MAP7D2: variants seen among roughly 807,000 people sequenced by gnomAD.
MAP7D2 encodes MAP7 domain-containing protein 2.
In MAP7D2, 33 loss-of-function variants were observed where a neutral mutation model predicts 63.5. That is an observed-to-expected ratio of 0.52 (90% CI 0.39 to 0.70). The LOEUF is 0.70. Ranked by LOEUF, MAP7D2 falls within the 30% of genes least tolerant of loss-of-function variation. The pLI is 0.00. For synonymous variants in MAP7D2, 224 were observed against 223.7 expected, an observed-to-expected ratio of 1.00 and a Z score of -0.01; for missense variants, 626 against 604.0, an observed-to-expected ratio of 1.04 and a Z score of -0.38.
rs2064739920 is a variant in MAP7D2 at position 20,044,384 on chromosome X, A to T, written c.859T>A (p.Ser287Thr). The change falls in exon 7 of 17, where the codon TCA (serine) becomes ACA (threonine). Residue 287 changes from serine (S) to threonine (T), a missense_variant. Physicochemically the swap from Ser to Thr is moderately conservative, Grantham distance 58. Coordinates refer to ENST00000379643, the MANE Select transcript of MAP7D2 (RefSeq NM_001168465.2). ...GAGDVGKEAL[S>T]GGEASLVEKV... ...CCTACCAGAGAGGCCTCTCCTCCTG[A>T]AAGGGCTTCTTTCCCAACATCTCCT... 1 of 1,211,462 alleles carries T rather than the reference A, an allele frequency of 8.3e-7. No individual in the cohort carries two copies. The highest frequency in any genetic ancestry group is 1.1e-6 in the Non-Finnish European group (1 of 895,359).
At chrX:20,050,673 A>C in intron 6 of MAP7D2, 151 bp downstream of exon 6, 5 of 567,665 alleles carry the variant, frequency 8.8e-6, no homozygotes, top group Non-Finnish European at 1.3e-5. Flanking sequence ...ATAAAACAGC[A>C]AAACACTGGT....
rs192630298 is a variant in MAP7D2, at chrX:20,010,392, G to A, written c.*26+385C>T. Among the ~76,000 whole-genome samples the A allele has an allele frequency of 2.2e-4, 25 of 111,890 alleles. No individual in the cohort carries two copies. In the East Asian group the frequency reaches 7.0e-3, roughly 31 times the overall value. On this transcript the variant is annotated intron_variant, in intron 16 of 16. Transcript: ENST00000379643. ...ATATGAATGATTCTAGATAGAATGT[G>A]GGATGTCACTGAGCAAAACTAGAGG...
At chrX:20,065,143 C>T (rs924527818) in intron 1 of MAP7D2, among the ~76,000 whole-genome samples, 10 of 112,000 alleles carry the variant, frequency 8.9e-5, no homozygotes, top group Non-Finnish European at 1.7e-4. Flanking sequence ...TGCAGAGAAG[C>T]CCACTAGGCC....
intron 3 of MAP7D2, among the ~76,000 whole-genome samples, chrX:20,062,980 A>C (rs2065257423): frequency 9.1e-6 from 1 of 110,389 alleles, no homozygotes; most frequent in Admixed American, 9.6e-5. Flanking sequence ...TCCCATCTGT[A>C]ATCCTCAGAT....
Position 20,056,685 on chromosome X carries a change from T to C in MAP7D2, c.479A>G (p.His160Arg), listed in dbSNP as rs749670267. 2.6e-5 allele frequency: 31 copies of C among 1,205,925 alleles called. No homozygotes were observed. In the South Asian group the frequency reaches 4.9e-4, roughly 19 times the overall value. The change falls in exon 4 of 17, where the codon CAT (histidine) becomes CGT (arginine). Residue 160 changes from histidine (H) to arginine (R), a missense_variant. Physicochemically the swap from His to Arg is conservative, Grantham distance 29. Transcript: ENST00000379643. ...AGGGGCAACCCTACACTCACCATCA[T>C]GTCCTCCGGGTCCAATGGCCAGTGG... ...GAPLAIGPGG[H>R]DACDKLSTST...
intron 1 of MAP7D2, among the ~76,000 whole-genome samples, chrX:20,113,978 C>G (rs373067707): frequency 3.7e-4 from 41 of 111,730 alleles, no homozygotes; most frequent in Middle Eastern, 9.2e-3. Context: ...CTTCCCACCC[C>G]CCAGTACCCT....
At chrX:20,087,003 T>C (rs749745155) in intron 1 of MAP7D2, among the ~76,000 whole-genome samples, 1 of 111,923 alleles carries the variant, frequency 8.9e-6, no homozygotes, top group East Asian at 2.8e-4. Context: ...AACTGAGACA[T>C]TAAGACACTT....
chrX:20,045,758 T>C (rs890841440), intron 6 of MAP7D2, among the ~76,000 whole-genome samples: 4 of 110,184 alleles, frequency 3.6e-5, no homozygotes, highest in African/African-American at 1.3e-4. Context: ...GAGAACAAAC[T>C]TGTGATGCCT....
chrX:20,042,765 G>A, intron 7 of MAP7D2, 136 bp from the exon 8 acceptor site: 1 of 778,327 alleles, frequency 1.3e-6, no homozygotes, highest in Non-Finnish European at 1.8e-6. Context: ...TCACATGACA[G>A]GCATCTTTGC....
rs922347546 is a variant in MAP7D2 at position 20,008,315 on chromosome X, C to T, written c.*110G>A. The T allele has an allele frequency of 8.9e-6, 1 of 111,972 alleles. No individual in the cohort carries two copies. Among genetic ancestry groups the T allele is most frequent in the Non-Finnish European group, 1.9e-5 (1 of 53,209 alleles). The allele number at this position is 111,972 out of a possible 1,213,427, so 9.2% of individuals were successfully genotyped here. A position where few individuals can be genotyped will look rare whatever the true frequency, so the allele number is the denominator to read the frequency against. On this transcript the variant is annotated 3_prime_UTR_variant, in exon 17 of 17. Coordinates refer to ENST00000379643, the MANE Select transcript of MAP7D2 (RefSeq NM_001168465.2). Reference sequence around the variant, plus strand: ...ACATTCCGAGCTAATAATTTGGGATCCAGCGGTAAGGGTGACAGAAGCTTC... The same window carrying T: ...ACATTCCGAGCTAATAATTTGGGATTCAGCGGTAAGGGTGACAGAAGCTTC...
At chrX:20,066,494 A>G (rs2065365656) in intron 1 of MAP7D2, among the ~76,000 whole-genome samples, 1 of 112,034 alleles carries the variant, frequency 8.9e-6, no homozygotes. Context: ...AAAATGAGAT[A>G]AGTACTAGAA....
chrX:20,079,979 C>A (rs1008844444), intron 1 of MAP7D2, among the ~76,000 whole-genome samples: 1 of 111,265 alleles, frequency 9.0e-6, no homozygotes, highest in Admixed American at 9.6e-5. Context: ...TCAAAGGTAG[C>A]GAAGGAAGAC....
intron 1 of MAP7D2, among the ~76,000 whole-genome samples, chrX:20,086,382 T>C (rs1387801401): frequency 8.9e-6 from 1 of 111,982 alleles, no homozygotes; most frequent in African/African-American, 3.2e-5. Flanking sequence ...ACACGATAAA[T>C]GAATAATCCA....
chrX:20,082,988 G>C (rs893446829), intron 1 of MAP7D2, among the ~76,000 whole-genome samples: 3 of 111,943 alleles, frequency 2.7e-5, no homozygotes, highest in African/African-American at 9.7e-5. Flanking sequence ...ATTCAACATT[G>C]TTCAGGGCAG....
At chrX:20,061,118 CAAAAAAAAAA>C (rs780468494) in intron 3 of MAP7D2, among the ~76,000 whole-genome samples, 3 of 34,877 alleles carry the variant, frequency 8.6e-5, no homozygotes, top group Middle Eastern at 0.018. Flanking sequence ...AGAACATGAC[CAAAAAAAAAA>C]AAAAAAAAAA....
intron 15 of MAP7D2, among the ~76,000 whole-genome samples, chrX:20,012,024 T>C (rs1774029351): frequency 8.9e-6 from 1 of 111,930 alleles, no homozygotes; most frequent in South Asian, 3.8e-4. Flanking sequence ...GAACTGTCTC[T>C]GGTGGAAATT....
rs1163079436 is a variant in MAP7D2 at position 20,042,632 on chromosome X, G to A, written c.880-3C>T. The A allele has an allele frequency of 8.3e-7, 1 of 1,211,201 alleles. No individual in the cohort carries two copies. The highest frequency in any genetic ancestry group is 1.1e-6 in the Non-Finnish European group (1 of 895,200). ...TGCCCCCGCTTCACCTTCTCCACCT[G>A]TAGGGGACACAGGATAGCCACAGTC... On this transcript the variant is annotated splice_region_variant and splice_polypyrimidine_tract_variant and intron_variant, in intron 7 of 16. Coordinates refer to ENST00000379643, the MANE Select transcript of MAP7D2 (RefSeq NM_001168465.2).
rs765975517 is a variant in MAP7D2 at position 20,063,475 on chromosome X, C to T, written c.311G>A (p.Arg104Gln). ...RWRKLEEQRQ[R>Q]EDQKRAAVEE... Reference sequence around the variant, plus strand: ...CACAGCAGCTCTCTTTTGGTCCTCCCGCTGCCGCTGCTCTTCCAGTTTTCG... The same window carrying T: ...CACAGCAGCTCTCTTTTGGTCCTCCTGCTGCCGCTGCTCTTCCAGTTTTCG... Residue 104 changes from arginine (R) to glutamine (Q), a missense_variant, in exon 3 of 17, where the codon CGG becomes CAG. Coordinates refer to ENST00000379643, the MANE Select transcript of MAP7D2 (RefSeq NM_001168465.2). 1.3e-5 allele frequency: 16 copies of T among 1,210,446 alleles called. No homozygotes were observed. Among genetic ancestry groups the T allele is most frequent in the South Asian group, 3.5e-5 (2 of 56,829 alleles).
At chrX:20,115,079 A>G (rs1489333332) in intron 1 of MAP7D2, among the ~76,000 whole-genome samples, 2 of 110,751 alleles carry the variant, frequency 1.8e-5, no homozygotes, top group East Asian at 5.6e-4. Context: ...CTTCACACAT[A>G]TTTTTCTATA....
Sources: gnomAD v4.1 joint callset for allele counts (sites outside exome capture counted in the v4.1 genomes callset) on GRCh38, gnomAD v4.1.1 for gene constraint, MANE v1.5 for transcripts, NCBI Gene and HGNC (gene_info 2026-07-23, HGNC 2026-07-21) for gene names.